The following ELOVL7 variants were observed in gnomAD, a reference collection of about 807,000 sequenced individuals.
ELOVL7 encodes ELOVL fatty acid elongase 7.
A neutral mutation model predicts 35.7 loss-of-function variants in ELOVL7; 27 were observed. That is an observed-to-expected ratio of 0.76 (90% CI 0.56 to 1.04). The LOEUF is 1.04. ELOVL7 is among the 50% of genes least tolerant of loss of function. The pLI is 0.00. For synonymous variants in ELOVL7, 113 were observed against 114.6 expected, an observed-to-expected ratio of 0.99 and a Z score of 0.09; for missense variants, 327 against 340.8, an observed-to-expected ratio of 0.96 and a Z score of 0.32.
chr5:60,825,676 C>T (rs1011305776), intron 1 of ELOVL7, among the ~76,000 whole-genome samples: 7 of 152,110 alleles, frequency 4.6e-5, no homozygotes, highest in Admixed American at 1.3e-4. Flanking sequence ...AGGGAAAGAG[C>T]TGTGATTCAG....
intron 2 of ELOVL7, among the ~76,000 whole-genome samples, chr5:60,794,448 C>T (rs777276698): frequency 5.9e-5 from 9 of 152,190 alleles, no homozygotes; most frequent in Non-Finnish European, 1.2e-4. Context: ...GATCAGAAGG[C>T]AGAACTCTGG....
At position 60,834,391 on chromosome 5, in the gene ELOVL7, C is replaced by T. The variant is rs189069426; in HGVS notation, c.-86+9769G>A. 1.0e-3 allele frequency among the ~76,000 whole-genome samples: 152 copies of T among 152,276 alleles called. 1 individual carries two copies. Among genetic ancestry groups the T allele is most frequent in the East Asian group, 8.7e-3 (45 of 5,188 alleles). On this transcript the variant is annotated intron_variant, in intron 1 of 8. Coordinates refer to ENST00000508821, the MANE Select transcript of ELOVL7 (RefSeq NM_024930.3). ...CCATCTCCTGACCTTGTGATCCGCC[C>T]GCCTCGGCCTCCCAAAGTGCTGGGA...
intron 1 of ELOVL7, among the ~76,000 whole-genome samples, chr5:60,819,892 A>G (rs546120041): frequency 5.9e-5 from 9 of 152,330 alleles, no homozygotes; most frequent in South Asian, 4.1e-4. Flanking sequence ...TCCGCGCCTA[A>G]TATGTCCAAA....
chr5:60,756,646 C>T (rs1438557946), intron 8 of ELOVL7, among the ~76,000 whole-genome samples: 1 of 152,112 alleles, frequency 6.6e-6, no homozygotes, highest in Non-Finnish European at 1.5e-5. Context: ...ATATCAACCT[C>T]TCACCTGGAA....
At chr5:60,786,741 T>G (rs1743612012) in intron 3 of ELOVL7, among the ~76,000 whole-genome samples, 1 of 151,894 alleles carries the variant, frequency 6.6e-6, no homozygotes, top group South Asian at 2.1e-4. Context: ...GGTCAGGAGA[T>G]CAAGACCATC....
At chr5:60,832,541 T>G (rs932653468) in intron 1 of ELOVL7, among the ~76,000 whole-genome samples, 12 of 152,206 alleles carry the variant, frequency 7.9e-5, no homozygotes, top group Admixed American at 7.9e-4. Flanking sequence ...AATTTTTGTA[T>G]TTTTAGTAGA....
Position 60,824,686 on chromosome 5 carries a change from G to A in ELOVL7, c.-86+19474C>T, listed in dbSNP as rs187132758. 2.3e-3 allele frequency among the ~76,000 whole-genome samples: 353 copies of A among 152,198 alleles called. 1 individual carries two copies. Among genetic ancestry groups the A allele is most frequent in the African/African-American group, 8.2e-3 (339 of 41,552 alleles). On this transcript the variant is annotated intron_variant, in intron 1 of 8. Transcript: ENST00000508821. Reference sequence around the variant, plus strand: ...TAGAATCCAACTACTTTACTTTAACGGTGGCCCAAGCCACTGTCCTGTCTT... The same window carrying A: ...TAGAATCCAACTACTTTACTTTAACAGTGGCCCAAGCCACTGTCCTGTCTT...
chr5:60,803,009 C>T (rs1390725392), intron 1 of ELOVL7, among the ~76,000 whole-genome samples: 1 of 152,104 alleles, frequency 6.6e-6, no homozygotes, highest in Non-Finnish European at 1.5e-5. Flanking sequence ...TCTCATACAC[C>T]TTTATTTAGA....
At position 60,837,465 on chromosome 5, in the gene ELOVL7, G is replaced by A. The variant is rs200431008; in HGVS notation, c.-86+6695C>T. On this transcript the variant is annotated intron_variant, in intron 1 of 8. Coordinates refer to ENST00000508821, the MANE Select transcript of ELOVL7 (RefSeq NM_024930.3). ...CAGTGAGACTCCACCTCAAAAAAAA[G>A]AGAGATTCATTGCAACTATTACTTA... Among the ~76,000 whole-genome samples the A allele has an allele frequency of 7.6e-3, 1,160 of 151,964 alleles. 15 individuals are homozygous for A. Among genetic ancestry groups the A allele is most frequent in the African/African-American group, 0.026 (1,079 of 41,492 alleles).
chr5:60,813,277 A>G (rs1188226100), intron 1 of ELOVL7, among the ~76,000 whole-genome samples: 1 of 152,170 alleles, frequency 6.6e-6, no homozygotes, highest in Non-Finnish European at 1.5e-5. Context: ...TCAAATGAAA[A>G]TGTTCCCCAC....
rs1561425494 is a variant in ELOVL7 at position 60,766,622 on chromosome 5, A to G, written c.345T>C (p.Arg115=). The change falls in exon 6 of 9, where the codon CGT becomes CGC. Residue 115 remains arginine, a synonymous_variant. Coordinates refer to ENST00000508821, the MANE Select transcript of ELOVL7 (RefSeq NM_024930.3). ...TGGAGAAGTAATAAAGCCAGCAGGT[A>G]CGTGCCATCTGCAGAAGCACAAATA... ...SRSPTALRMA[R]TCWLYYFSKF... is the part of the protein sequence containing the mutation. 2 of 1,612,978 alleles carry G rather than the reference A, an allele frequency of 1.2e-6. No homozygotes were observed. The highest frequency in any genetic ancestry group is 1.7e-6 in the Non-Finnish European group (2 of 1,179,442).
chr5:60,782,009 A>G (rs1024687628), intron 3 of ELOVL7, among the ~76,000 whole-genome samples: 2 of 152,250 alleles, frequency 1.3e-5, no homozygotes, highest in Non-Finnish European at 2.9e-5. Flanking sequence ...TTAAAAGTCA[A>G]ATTGCAAAAA....
rs756057238 is a variant in ELOVL7 at position 60,767,841 on chromosome 5, C to T, written c.318G>A (p.Arg106=). The change falls in exon 5 of 9, where the codon CGG becomes CGA. Residue 106 remains arginine (R), a synonymous_variant. Coordinates refer to ENST00000508821, the MANE Select transcript of ELOVL7 (RefSeq NM_024930.3). ...AACTTACCCTCAAAGCTGTGGGTGA[C>T]CGTGAATAGTCAACAATGTCACATC... ...SFRCDIVDYS[R]SPTALRMART... 1.9e-6 allele frequency: 3 copies of T among 1,613,684 alleles called. No individual in the cohort carries two copies. Among genetic ancestry groups the T allele is most frequent in the South Asian group, 1.1e-5 (1 of 91,066 alleles).
At chr5:60,791,244 T>C (rs1743917212) in intron 2 of ELOVL7, among the ~76,000 whole-genome samples, 1 of 152,220 alleles carries the variant, frequency 6.6e-6, no homozygotes, top group Admixed American at 6.5e-5. Flanking sequence ...CCCAAAGTGC[T>C]GGGATTACAG....
intron 7 of ELOVL7, among the ~76,000 whole-genome samples, chr5:60,762,676 T>C (rs1429846390): frequency 1.3e-5 from 2 of 152,184 alleles, no homozygotes; most frequent in Non-Finnish European, 2.9e-5. Context: ...AAATAAATTA[T>C]AAGGATGTGA....
intron 5 of ELOVL7, among the ~76,000 whole-genome samples, chr5:60,767,206 T>C (rs934036628): frequency 6.6e-6 from 1 of 152,174 alleles, no homozygotes; most frequent in Non-Finnish European, 1.5e-5. Context: ...GCGATTTTCC[T>C]GCCTCACCCT....
intron 1 of ELOVL7, among the ~76,000 whole-genome samples, chr5:60,834,556 T>A (rs1746676088): frequency 6.6e-6 from 1 of 152,192 alleles, no homozygotes; most frequent in Non-Finnish European, 1.5e-5. Flanking sequence ...TAATCCCAGC[T>A]ACTTGGGAGG....
In ELOVL7 at chr5:60,817,687, C is replaced by CCATATATATACACACA. The variant is rs2112339624; in HGVS notation, c.-85-18473_-85-18458dup. 1.4e-5 allele frequency among the ~76,000 whole-genome samples: 2 copies of CCATATATATACACACA among 142,586 alleles called. 1 individual carries two copies. Among genetic ancestry groups the CCATATATATACACACA allele is most frequent in the South Asian group, 4.4e-4 (2 of 4,522 alleles). 93.5% of individuals were successfully genotyped at this position (142,586 alleles called of 152,430 possible). A position where few individuals can be genotyped will look rare whatever the true frequency, so the allele number is the denominator to read the frequency against. ...ATATATACACATATATACACACACA[C>CCATATATATACACACA]CATATATATACACACACCATATATA... On this transcript the variant is annotated intron_variant, in intron 1 of 8. Coordinates refer to ENST00000508821, the MANE Select transcript of ELOVL7 (RefSeq NM_024930.3).
chr5:60,759,298 T>G (rs1010122436), intron 7 of ELOVL7, among the ~76,000 whole-genome samples: 1 of 152,214 alleles, frequency 6.6e-6, no homozygotes, highest in Non-Finnish European at 1.5e-5. Flanking sequence ...TTAAGCGTAT[T>G]AACAACTTTC....
Sources: gnomAD v4.1 joint callset for allele counts (sites outside exome capture counted in the v4.1 genomes callset) on GRCh38, gnomAD v4.1.1 for gene constraint, MANE v1.5 for transcripts, NCBI Gene and HGNC (gene_info 2026-07-23, HGNC 2026-07-21) for gene names.